The following TMEM74 variants were observed in gnomAD, a reference collection of about 807,000 sequenced individuals.
TMEM74 encodes the protein transmembrane protein 74.
Under a neutral mutation model 18.1 loss-of-function variants are expected in TMEM74, and 13 were observed. The ratio of observed to expected loss-of-function variants is 0.72; its 90% CI spans 0.47 to 1.14. TMEM74 has a LOEUF of 1.14. Ranked by LOEUF, TMEM74 falls within the 50% of genes most tolerant of loss-of-function variation. The pLI, the probability that TMEM74 is intolerant of heterozygous loss-of-function variation, is 0.00. For missense variants in TMEM74, 372 were observed against 375.9 expected (o/e 0.99, Z 0.09); for synonymous variants, 159 against 146.6 (o/e 1.08, Z -0.61).
At chr8:108,714,550 CAAAGA>C (rs1813504148) in intron 1 of TMEM74, among the ~76,000 whole-genome samples, 1 of 152,032 alleles carries the variant, frequency 6.6e-6, no homozygotes, top group South Asian at 2.1e-4. Context: ...GGCGAGGCAG[CAAAGA>C]AAAGGGAACG....
intron 1 of TMEM74, among the ~76,000 whole-genome samples, chr8:108,724,448 A>G (rs956614939): frequency 6.6e-6 from 1 of 152,210 alleles, no homozygotes; most frequent in Admixed American, 6.5e-5. Context: ...AGATGGTGCC[A>G]TACAGATGTA....
chr8:108,731,730 AT>A (rs1221818675), intron 1 of TMEM74, among the ~76,000 whole-genome samples: 1 of 152,174 alleles, frequency 6.6e-6, no homozygotes, highest in East Asian at 1.9e-4. Flanking sequence ...TTTGTCTGAT[AT>A]TTAAAAAAAA....
At chr8:108,736,469 C>T (rs369538578) in intron 1 of TMEM74, among the ~76,000 whole-genome samples, 46 of 152,154 alleles carry the variant, frequency 3.0e-4, no homozygotes, top group African/African-American at 1.1e-3. Flanking sequence ...AGTCTACATG[C>T]CACTCTTAGA....
intron 2 of TMEM74, among the ~76,000 whole-genome samples, chr8:108,645,759 G>A (rs189801536): frequency 1.3e-5 from 2 of 152,166 alleles, no homozygotes; most frequent in East Asian, 1.9e-4. Flanking sequence ...TTGTGGAAAT[G>A]GACATTCAGA....
intron 1 of TMEM74, among the ~76,000 whole-genome samples, 165 bp downstream of exon 1, chr8:108,787,311 C>T (rs980640509): frequency 4.1e-4 from 63 of 152,194 alleles, no homozygotes; most frequent in African/African-American, 1.4e-3. Flanking sequence ...CTATCCATTT[C>T]TGGTGAACTC....
intron 1 of TMEM74, among the ~76,000 whole-genome samples, chr8:108,730,338 C>A (rs562245539): frequency 6.6e-6 from 1 of 152,142 alleles, no homozygotes; most frequent in Non-Finnish European, 1.5e-5. Context: ...GACTCTGGAG[C>A]ACTCCTTGGC....
intron 2 of TMEM74, among the ~76,000 whole-genome samples, chr8:108,613,449 A>C (rs944839863): frequency 2.6e-5 from 4 of 152,254 alleles, no homozygotes; most frequent in African/African-American, 7.2e-5. Context: ...ATGGGAGAGA[A>C]GAATACAACA....
chr8:108,704,189 G>A (rs960061748), intron 1 of TMEM74, among the ~76,000 whole-genome samples: 6 of 152,198 alleles, frequency 3.9e-5, no homozygotes, highest in African/African-American at 1.4e-4. Flanking sequence ...TGCAAGAGGG[G>A]ACTGAAACCT....
intron 2 of TMEM74, chr8:108,652,731 A>T: frequency 1.9e-6 from 1 of 532,582 alleles, no homozygotes. Flanking sequence ...AAGCAAAGAG[A>T]TTCTTTTGGA....
At chr8:108,708,581 C>T (rs954287975) in intron 1 of TMEM74, among the ~76,000 whole-genome samples, 1 of 151,910 alleles carries the variant, frequency 6.6e-6, no homozygotes, top group East Asian at 1.9e-4. Flanking sequence ...AAGATGGTAT[C>T]TCACTGTGGT....
In TMEM74 at chr8:108,657,877, T is replaced by TATATATTAATTAC. The variant is rs1554630287; in HGVS notation, n.120-2441_120-2440insGTAATTAATATAT. On this transcript the variant is annotated intron_variant and non_coding_transcript_variant, in intron 1 of 3. Transcript: ENST00000518838. ...AAAAAAAAATATATATATATATATA[T>TATATATTAATTAC]ATATATATATATATATATATATATA... Among the ~76,000 whole-genome samples the TATATATTAATTAC allele has an allele frequency of 4.7e-4, 33 of 70,892 alleles. 2 individuals are homozygous for TATATATTAATTAC. The highest frequency in any genetic ancestry group is 4.5e-3 in the East Asian group (9 of 1,992). 46.5% of individuals were successfully genotyped at this position (70,892 alleles called of 152,430 possible).
At chr8:108,616,055 G>C (rs1165665390) in intron 2 of TMEM74, among the ~76,000 whole-genome samples, 2 of 152,088 alleles carry the variant, frequency 1.3e-5, no homozygotes, top group Non-Finnish European at 2.9e-5. Flanking sequence ...AAAGTACTGG[G>C]ATTACAGGCC....
At chr8:108,722,325 A>C (rs1311929031) in intron 1 of TMEM74, among the ~76,000 whole-genome samples, 1 of 152,158 alleles carries the variant, frequency 6.6e-6, no homozygotes, top group Admixed American at 6.5e-5. Context: ...ACCACAAATG[A>C]ATTCTTGTAA....
At chr8:108,699,740 T>G (rs1563529463) in intron 1 of TMEM74, among the ~76,000 whole-genome samples, 1 of 152,180 alleles carries the variant, frequency 6.6e-6, no homozygotes, top group Non-Finnish European at 1.5e-5. Flanking sequence ...ATATTGAGGT[T>G]GATCCTAAAC....
chr8:108,769,747 G>C, intron 1 of TMEM74, among the ~76,000 whole-genome samples: 1 of 152,038 alleles, frequency 6.6e-6, no homozygotes. Context: ...CCAAAGAGGA[G>C]CAATATATAT....
intron 2 of TMEM74, among the ~76,000 whole-genome samples, chr8:108,649,597 A>G (rs757951968): frequency 2.6e-5 from 4 of 152,176 alleles, no homozygotes; most frequent in East Asian, 1.9e-4. Context: ...CAGTTTTGCC[A>G]TTACTTTCAA....
intron 2 of TMEM74, among the ~76,000 whole-genome samples, chr8:108,642,004 A>T (rs1812669961): frequency 1.3e-5 from 2 of 152,146 alleles, no homozygotes; most frequent in Admixed American, 1.3e-4. Flanking sequence ...AGTGTTAGTA[A>T]ATGTAATGAT....
At chr8:108,619,577 G>T (rs1303829228) in intron 2 of TMEM74, among the ~76,000 whole-genome samples, 6 of 152,200 alleles carry the variant, frequency 3.9e-5, no homozygotes, top group Admixed American at 3.9e-4. Context: ...ATGTGGGTGA[G>T]CAGTGGTGGA....
intron 2 of TMEM74, among the ~76,000 whole-genome samples, chr8:108,643,860 C>A (rs1812690405): frequency 6.6e-6 from 1 of 151,598 alleles, no homozygotes. Context: ...ATGACATAAA[C>A]AACTGGAAAA....
Sources: allele counts gnomAD v4.1 joint callset (sites outside exome capture counted in the v4.1 genomes callset), GRCh38; gene constraint gnomAD v4.1.1; transcripts MANE v1.5; gene names NCBI Gene and HGNC (gene_info 2026-07-23, HGNC 2026-07-21).